Variants in PCDH11X observed in about 807,000 individuals in gnomAD.
PCDH11X encodes the protein protocadherin-11 X-linked.
Under a neutral mutation model 53.3 loss-of-function variants are expected in PCDH11X, and 18 were observed. The observed-to-expected ratio is 0.34, with a 90% confidence interval of 0.23 to 0.50. PCDH11X has a LOEUF of 0.50. Among genes scored for constraint, PCDH11X ranks in the 20% least tolerant of loss-of-function variants. PCDH11X has a pLI of 0.98. For synonymous variants in PCDH11X, 279 were observed against 393.3 expected (o/e 0.71, Z 3.44); for missense variants, 570 against 1,032.4 (o/e 0.55, Z 6.14).
intron 6 of PCDH11X, among the ~76,000 whole-genome samples, chrX:92,110,399 A>G (rs1178106314): frequency 1.9e-5 from 2 of 107,995 alleles, no homozygotes; most frequent in African/African-American, 6.8e-5. Flanking sequence ...ACAAGCCTCA[A>G]TCATTTTAGG....
intron 9 of PCDH11X, among the ~76,000 whole-genome samples, chrX:92,452,463 G>GTGTATATATATA (rs1415846958): frequency 4.9e-4 from 22 of 44,693 alleles, no homozygotes; most frequent in African/African-American, 2.0e-3. Context: ...GTGTGTGTGT[G>GTGTATATATATA]TATATATATA....
At chrX:91,985,184 G>A (rs905677841) in intron 6 of PCDH11X, among the ~76,000 whole-genome samples, 9 of 112,196 alleles carry the variant, frequency 8.0e-5, no homozygotes, top group African/African-American at 2.9e-4. Flanking sequence ...AACAGAAATG[G>A]AAATCTACTA....
Position 91,808,497 on chromosome X carries a change from G to GAA in PCDH11X, c.-378-958_-378-957dup, listed in dbSNP as rs59633527. The stretch of plus-strand genomic sequence containing the variant: ...GCGACAGAGCTAGACTCTGTCTCAA[G>GAA]AAAAAAAAAAAAGAGAGGAATGTGT... On this transcript the variant is annotated intron_variant, in intron 1 of 10. Transcript: ENST00000682573. 1.1e-3 allele frequency among the ~76,000 whole-genome samples: 103 copies of GAA among 96,313 alleles called. 1 individual carries two copies. Among genetic ancestry groups the GAA allele is most frequent in the African/African-American group, 3.4e-3 (91 of 26,422 alleles). The allele number at this position is 96,313 out of a possible 115,157, so 83.6% of individuals were successfully genotyped here. A position where few individuals can be genotyped will look rare whatever the true frequency, so the allele number is the denominator to read the frequency against.
At chrX:92,296,271 G>T (rs760552767) in intron 8 of PCDH11X, among the ~76,000 whole-genome samples, 2 of 110,424 alleles carry the variant, frequency 1.8e-5, no homozygotes, top group East Asian at 5.8e-4. Context: ...TTAGGTTTTG[G>T]TATTCATGTG....
intron 10 of PCDH11X, among the ~76,000 whole-genome samples, chrX:92,531,119 G>C (rs923265318): frequency 9.0e-6 from 1 of 111,128 alleles, no homozygotes; most frequent in African/African-American, 3.3e-5. Context: ...GTGCATGTGT[G>C]TGCACACACA....
intron 10 of PCDH11X, among the ~76,000 whole-genome samples, chrX:92,506,216 C>CTTTTTTCTTTTTTTTTTT (rs2074055575): frequency 1.2e-4 from 5 of 40,207 alleles, no homozygotes; most frequent in Non-Finnish European, 1.6e-4. Flanking sequence ...CTTTTCTTTT[C>CTTTTTTCTTTTTTTTTTT]TTTTTTTTTT....
At chrX:91,868,687 C>G (rs1041360758) in intron 5 of PCDH11X, among the ~76,000 whole-genome samples, 2 of 111,590 alleles carry the variant, frequency 1.8e-5, no homozygotes, top group African/African-American at 6.5e-5. Context: ...GTTTTATTTT[C>G]CTGATATTAA....
chrX:92,339,576 G>A (rs771914044), intron 8 of PCDH11X, among the ~76,000 whole-genome samples: 11 of 110,957 alleles, frequency 9.9e-5, no homozygotes, highest in South Asian at 7.8e-4. Flanking sequence ...AGGCCTAAGG[G>A]GAGCAGGCAC....
At chrX:91,881,027 T>A (rs1346196870) in intron 6 of PCDH11X, among the ~76,000 whole-genome samples, 2 of 111,502 alleles carry the variant, frequency 1.8e-5, no homozygotes, top group African/African-American at 6.5e-5. Context: ...CATATGTAGA[T>A]CATCATTTTT....
intron 6 of PCDH11X, among the ~76,000 whole-genome samples, chrX:92,068,491 G>T (rs1361253722): frequency 1.8e-5 from 2 of 108,603 alleles, no homozygotes; most frequent in Non-Finnish European, 3.8e-5. Context: ...AATTCCTCTG[G>T]TTATTGATTT....
chrX:92,508,126 A>C (rs1055223906), intron 10 of PCDH11X, among the ~76,000 whole-genome samples: 5 of 111,055 alleles, frequency 4.5e-5, no homozygotes, highest in African/African-American at 1.3e-4. Context: ...GATGAATTAA[A>C]TTTTATCATT....
intron 10 of PCDH11X, among the ~76,000 whole-genome samples, chrX:92,479,946 A>T (rs1375953048): frequency 9.0e-6 from 1 of 111,469 alleles, no homozygotes; most frequent in Non-Finnish European, 1.9e-5. Flanking sequence ...TATGTTTTCA[A>T]AGTTGCTTCC....
At chrX:91,793,405 C>T (rs1277803874) in intron 1 of PCDH11X, among the ~76,000 whole-genome samples, 3 of 110,417 alleles carry the variant, frequency 2.7e-5, no homozygotes, top group Non-Finnish European at 1.9e-5. Flanking sequence ...ATTTGTACTA[C>T]AAAGTTTCAG....
At chrX:91,985,224 C>T (rs1257706341) in intron 6 of PCDH11X, among the ~76,000 whole-genome samples, 7 of 111,961 alleles carry the variant, frequency 6.3e-5, no homozygotes, top group Non-Finnish European at 1.1e-4. Flanking sequence ...TTAATTTGTC[C>T]GGCCGGGTGT....
intron 4 of PCDH11X, among the ~76,000 whole-genome samples, chrX:91,822,472 A>G (rs1291876144): frequency 2.7e-5 from 3 of 111,267 alleles, no homozygotes; most frequent in Non-Finnish European, 1.9e-5. Context: ...AGAGGTGTTT[A>G]TAGTATTCTC....
chrX:92,620,769 A>C lies in PCDH11X; in HGVS notation c.*1829A>C, dbSNP rs1356932055. On this transcript the variant is annotated 3_prime_UTR_variant, in exon 11 of 11. Transcript: ENST00000682573. ...CAGAATAACTTCTTAACTTTTAACT[A>C]TCAGAGTTTGATTAATAAAATTAAT... is the stretch of plus-strand genomic sequence containing the variant. 3.6e-5 allele frequency: 4 copies of C among 109,871 alleles called. No individual in the cohort carries two copies. Among genetic ancestry groups the C allele is most frequent in the Admixed American group, 2.9e-4 (3 of 10,195 alleles). 9.1% of individuals were successfully genotyped at this position (109,871 alleles called of 1,213,427 possible). A position where few individuals can be genotyped will look rare whatever the true frequency, so the allele number is the denominator to read the frequency against.
chrX:92,588,823 C>T (rs902781165), intron 10 of PCDH11X, among the ~76,000 whole-genome samples: 12 of 109,624 alleles, frequency 1.1e-4, no homozygotes, highest in South Asian at 3.9e-4. Context: ...AGAAGGCTGT[C>T]GAACACCAAG....
chrX:92,322,411 T>C (rs1297636903), intron 8 of PCDH11X, among the ~76,000 whole-genome samples: 2 of 111,404 alleles, frequency 1.8e-5, no homozygotes, highest in East Asian at 5.7e-4. Context: ...AAGTTATTTT[T>C]ATCATCAGTT....
At chrX:92,297,683 A>G (rs1206190580) in intron 8 of PCDH11X, among the ~76,000 whole-genome samples, 1 of 111,747 alleles carries the variant, frequency 8.9e-6, no homozygotes, top group African/African-American at 3.3e-5. Flanking sequence ...TCTGTGAGGA[A>G]TGTCTTTGTT....
Sources: allele counts gnomAD v4.1 joint callset (sites outside exome capture counted in the v4.1 genomes callset), GRCh38; gene constraint gnomAD v4.1.1; transcripts MANE v1.5; gene names NCBI Gene and HGNC (gene_info 2026-07-23, HGNC 2026-07-21).